Variants in PCLAF observed in about 807,000 individuals in gnomAD.
The protein encoded by PCLAF is PCNA-associated factor.
In PCLAF, 12 loss-of-function variants were observed where a neutral mutation model predicts 15.1. The observed-to-expected ratio is 0.79, with a 90% CI of 0.51 to 1.29. PCLAF has a LOEUF of 1.29. Ranked by LOEUF, PCLAF falls within the 50% of genes most tolerant of loss-of-function variation. The probability of loss-of-function intolerance (pLI) is 0.00; values close to 1 mark genes in which losing one functional copy is unlikely to be tolerated. For missense variants in PCLAF, 116 were observed against 130.9 expected, an observed-to-expected ratio of 0.89 and a Z score of 0.56; for synonymous variants, 33 against 47.1, an observed-to-expected ratio of 0.70 and a Z score of 1.22.
At chr15:64,384,727 G>A (rs1427932000), upstream of PCLAF, among the ~76,000 whole-genome samples, 1 of 146,098 alleles carries the variant, frequency 6.8e-6, no homozygotes, top group African/African-American at 2.5e-5. Context: ...GGGTGATGGA[G>A]CAAGAATGTC....
intron 3 of PCLAF, among the ~76,000 whole-genome samples, chr15:64,369,715 TA>T (rs1302135060): frequency 2.0e-5 from 3 of 152,164 alleles, no homozygotes; most frequent in Admixed American, 6.6e-5. Context: ...CATACCTGGC[TA>T]ATTTTTGTAA....
At chr15:64,377,897 G>A (rs532455469) in intron 2 of PCLAF, among the ~76,000 whole-genome samples, 4 of 150,238 alleles carry the variant, frequency 2.7e-5, no homozygotes, top group South Asian at 2.1e-4. Context: ...GATTACAGGC[G>A]CCCGCCACCA....
At chr15:64,373,699 C>T (rs1899455424) in intron 3 of PCLAF, 1 of 1,535,488 alleles carries the variant, frequency 6.5e-7, no homozygotes, top group East Asian at 2.4e-5. Flanking sequence ...TCCCCTTACC[C>T]ATTTGGATCA....
At chr15:64,380,821 G>A in intron 2 of PCLAF, 137 bp downstream of exon 2, 1 of 687,394 alleles carries the variant, frequency 1.5e-6, no homozygotes, top group Non-Finnish European at 2.4e-6. Flanking sequence ...CCGGCCAAAA[G>A]GCCCAGCCTC....
chr15:64,384,785 C>G (rs1899901470), upstream of PCLAF, among the ~76,000 whole-genome samples: 1 of 151,184 alleles, frequency 6.6e-6, no homozygotes, highest in Admixed American at 6.6e-5. Flanking sequence ...ATCTTTAAGT[C>G]TTGCTAAATG....
chr15:64,372,920 T>C (rs1375223237), intron 3 of PCLAF, among the ~76,000 whole-genome samples: 1 of 152,156 alleles, frequency 6.6e-6, no homozygotes, highest in African/African-American at 2.4e-5. Context: ...TGAGCCAAGA[T>C]AGCACCACTG....
chr15:64,370,777 T>C (rs1389901028), intron 3 of PCLAF, among the ~76,000 whole-genome samples: 1 of 150,118 alleles, frequency 6.7e-6, no homozygotes, highest in Non-Finnish European at 1.5e-5. Context: ...TCTAAAAATA[T>C]TGACTAATTA....
chr15:64,381,101 G>C, intron 1 of PCLAF, 63 bp from the exon 2 acceptor site: 1 of 1,499,778 alleles, frequency 6.7e-7, no homozygotes, highest in South Asian at 1.1e-5. Context: ...CCGAGTCCTG[G>C]ACCCCAGCAG....
In PCLAF at chr15:64,365,685, C is replaced by A; in HGVS notation, c.*345G>T. On this transcript the variant is annotated 3_prime_UTR_variant, in exon 4 of 4. Transcript: ENST00000300035. ...ATATGGCACCATTCCAATAATCAAACACCAATAAAAATGGCAGCAGTACAA... is the reference window on the plus strand; with the variant it reads ...ATATGGCACCATTCCAATAATCAAAAACCAATAAAAATGGCAGCAGTACAA... The A allele has an allele frequency of 4.4e-6, 1 of 224,732 alleles. No homozygotes were observed. The highest frequency in any genetic ancestry group is 8.7e-6 in the Non-Finnish European group (1 of 115,496). The allele number at this position is 224,732 out of a possible 1,614,324, so 13.9% of individuals were successfully genotyped here. A position where few individuals can be genotyped will look rare whatever the true frequency, so the allele number is the denominator to read the frequency against.
At chr15:64,368,749 T>G (rs773027622) in intron 3 of PCLAF, among the ~76,000 whole-genome samples, 21 of 148,948 alleles carry the variant, frequency 1.4e-4, no homozygotes, top group Non-Finnish European at 2.5e-4. Context: ...ACAGATTTTA[T>G]AATACCATGG....
At chr15:64,369,128 G>C (rs1899172703) in intron 3 of PCLAF, among the ~76,000 whole-genome samples, 1 of 152,126 alleles carries the variant, frequency 6.6e-6, no homozygotes, top group Non-Finnish European at 1.5e-5. Flanking sequence ...TTGGGAAGCT[G>C]AGGTGTTAGG....
Position 64,370,557 on chromosome 15 carries a change from G to A in PCLAF, c.291-4482C>T, listed in dbSNP as rs577763327. On this transcript the variant is annotated intron_variant, in intron 3 of 3. Transcript: ENST00000300035. ...TAATTTTTGTATTTTTAGTAGAGAC[G>A]GGGGTTTCGCCGTGTTGGCCAGGCT... Among the ~76,000 whole-genome samples, 5 of 151,564 alleles carry A rather than the reference G, an allele frequency of 3.3e-5. No individual in the cohort carries two copies. In the South Asian group the frequency reaches 6.3e-4, roughly 19 times the overall value.
intron 2 of PCLAF, among the ~76,000 whole-genome samples, chr15:64,377,693 T>C (rs1047376102): frequency 6.8e-6 from 1 of 146,332 alleles, no homozygotes; most frequent in African/African-American, 2.5e-5. Flanking sequence ...GTAGATTCCA[T>C]TTTTCAAAGC....
At chr15:64,379,488 AAAAAGAAAAAAG>A (rs1256351463) in intron 2 of PCLAF, among the ~76,000 whole-genome samples, 6 of 152,028 alleles carry the variant, frequency 3.9e-5, no homozygotes, top group African/African-American at 1.2e-4. Context: ...CTCAAAAAAA[AAAAAGAAAAAAG>A]AAAAGAAAAA....
At chr15:64,383,724 G>A (rs540641149), upstream of PCLAF, among the ~76,000 whole-genome samples, 237 of 152,168 alleles carry the variant, frequency 1.6e-3, 1 homozygote, top group Middle Eastern at 6.8e-3. Context: ...CTTCTACATA[G>A]GTCTGAATTA....
At chr15:64,372,043 T>G (rs956319685) in intron 3 of PCLAF, among the ~76,000 whole-genome samples, 3 of 143,976 alleles carry the variant, frequency 2.1e-5, no homozygotes, top group African/African-American at 7.6e-5. Flanking sequence ...ACCCACCTCC[T>G]GCACACAAAA....
At chr15:64,386,394 C>A (rs761885398), upstream of PCLAF, among the ~76,000 whole-genome samples, 15 of 152,188 alleles carry the variant, frequency 9.9e-5, no homozygotes, top group Admixed American at 2.6e-4. Flanking sequence ...AATCAGGGCT[C>A]ACTTCAAGCT....
chr15:64,376,732 T>TA lies in PCLAF; in HGVS notation c.290+10dup. The TA allele has an allele frequency of 1.2e-6, 2 of 1,605,742 alleles. No individual in the cohort carries two copies. Among genetic ancestry groups the TA allele is most frequent in the Non-Finnish European group, 8.5e-7 (1 of 1,175,286 alleles). ...AATATTTTCTTTATATTCCAGAATATAAAAACTTACTTTCTCTTTGCTTTT... is the reference window on the plus strand; with the variant it reads ...AATATTTTCTTTATATTCCAGAATATAAAAAACTTACTTTCTCTTTGCTTTT... On this transcript the variant is annotated intron_variant, in intron 3 of 3. Transcript: ENST00000300035.
chr15:64,379,347 C>T (rs902478843), intron 2 of PCLAF, among the ~76,000 whole-genome samples: 4 of 152,038 alleles, frequency 2.6e-5, no homozygotes, highest in African/African-American at 9.7e-5. Flanking sequence ...CGTGTGGTGG[C>T]ATGCGCCTAC....
Sources: gnomAD v4.1 joint callset for allele counts (sites outside exome capture counted in the v4.1 genomes callset) on GRCh38, gnomAD v4.1.1 for gene constraint, MANE v1.5 for transcripts, NCBI Gene and HGNC (gene_info 2026-07-23, HGNC 2026-07-21) for gene names.